The following CAMK1D variants were observed in gnomAD, a reference collection of about 807,000 sequenced individuals.
The protein encoded by CAMK1D is calcium/calmodulin-dependent protein kinase type 1D.
In CAMK1D, 9 loss-of-function variants were observed where a neutral mutation model predicts 47.7. That is an observed-to-expected ratio of 0.19 (90% CI 0.11 to 0.33). The LOEUF (loss-of-function observed/expected upper bound fraction) is 0.33, where lower values mean the gene tolerates loss of function less well. Ranked by LOEUF, CAMK1D falls within the 10% of genes least tolerant of loss-of-function variation. The pLI is 1.00. For missense variants in CAMK1D, 291 were observed against 488.7 expected (o/e 0.60, Z 3.81); for synonymous variants, 184 against 184.9 (o/e 0.99, Z 0.04).
chr10:12,506,003 A>G (rs1834859712), intron 1 of CAMK1D, among the ~76,000 whole-genome samples: 1 of 152,208 alleles, frequency 6.6e-6, no homozygotes, highest in Non-Finnish European at 1.5e-5. Context: ...AGGCTCCACC[A>G]TGTCCTAGAT....
In CAMK1D at chr10:12,753,984, G is replaced by A. The variant is rs144095969; in HGVS notation, c.300-6964G>A. ...TGGCTCACTGCATCCTCCACCTCCCGGGCTCAAGCGATTCTCCTGCCTCAG... is the reference window on the plus strand; with the variant it reads ...TGGCTCACTGCATCCTCCACCTCCCAGGCTCAAGCGATTCTCCTGCCTCAG... On this transcript the variant is annotated intron_variant, in intron 3 of 10. Transcript: ENST00000619168. Among the ~76,000 whole-genome samples the A allele has an allele frequency of 2.3e-3, 357 of 152,116 alleles. 5 individuals carry two copies. In the East Asian group the frequency reaches 0.037, roughly 16 times the overall value.
chr10:12,582,993 T>G (rs1280188484), intron 2 of CAMK1D, among the ~76,000 whole-genome samples: 1 of 152,172 alleles, frequency 6.6e-6, no homozygotes, highest in Non-Finnish European at 1.5e-5. Context: ...ATCCCAGCAC[T>G]TTGAGAGGCC....
intron 2 of CAMK1D, among the ~76,000 whole-genome samples, chr10:12,637,499 T>C (rs1164834896): frequency 6.6e-6 from 1 of 152,042 alleles, no homozygotes; most frequent in Non-Finnish European, 1.5e-5. Flanking sequence ...TTCACTTCTT[T>C]ATCTCATCTG....
chr10:12,824,072 A>T (rs1833108960), intron 8 of CAMK1D, among the ~76,000 whole-genome samples: 1 of 151,924 alleles, frequency 6.6e-6, no homozygotes, highest in African/African-American at 2.4e-5. Context: ...GAGGTGGCGC[A>T]TGGTGGCTCA....
At chr10:12,354,258 G>A (rs1216529146) in intron 1 of CAMK1D, among the ~76,000 whole-genome samples, 1 of 152,162 alleles carries the variant, frequency 6.6e-6, no homozygotes, top group Non-Finnish European at 1.5e-5. Flanking sequence ...AGGCATCGTG[G>A]AGGATTTGAG....
intron 1 of CAMK1D, among the ~76,000 whole-genome samples, chr10:12,521,635 T>A (rs954404313): frequency 6.6e-6 from 1 of 152,180 alleles, no homozygotes; most frequent in African/African-American, 2.4e-5. Context: ...GACTTCTGTA[T>A]CCCCGCCAAT....
At chr10:12,657,988 A>G (rs1840166092) in intron 2 of CAMK1D, among the ~76,000 whole-genome samples, 1 of 152,164 alleles carries the variant, frequency 6.6e-6, no homozygotes, top group East Asian at 1.9e-4. Context: ...TGTCTCTACT[A>G]AAAATACAAA....
intron 2 of CAMK1D, among the ~76,000 whole-genome samples, chr10:12,640,714 C>T (rs551914038): frequency 1.3e-5 from 2 of 152,130 alleles, no homozygotes; most frequent in South Asian, 2.1e-4. Context: ...TATTCCTGAC[C>T]GAAGCTGTCA....
intron 10 of CAMK1D, among the ~76,000 whole-genome samples, chr10:12,826,689 C>T (rs1403996880): frequency 2.0e-5 from 3 of 152,180 alleles, no homozygotes; most frequent in East Asian, 3.9e-4. Flanking sequence ...GAAAAGGATT[C>T]CCTTCCTCTC....
At position 12,553,321 on chromosome 10, in the gene CAMK1D, A is replaced by C; in HGVS notation, c.189A>C (p.Glu63Asp). 6.2e-7 allele frequency: 1 copy of C among 1,614,138 alleles called. No homozygotes were observed. The highest frequency in any genetic ancestry group is 8.5e-7 in the Non-Finnish European group (1 of 1,179,998). The change falls in exon 2 of 11, where the codon GAA becomes GAC. Residue 63 changes from glutamate (E) to aspartate (D), a missense_variant. This residue lies in a region of CAMK1D where 219 missense variants were observed against 424.3 expected (regional missense o/e 0.52). Coordinates refer to ENST00000619168, the MANE Select transcript of CAMK1D (RefSeq NM_153498.4). ...CTAAGAAGGCGCTGAAGGGCAAGGA[A>C]AGCAGCATAGAGAATGAGATAGCCG... ...CIPKKALKGK[E>D]SSIENEIAVL...
chr10:12,536,137 A>G (rs947992024), intron 1 of CAMK1D, among the ~76,000 whole-genome samples: 1 of 152,082 alleles, frequency 6.6e-6, no homozygotes, highest in African/African-American at 2.4e-5. Flanking sequence ...AAATTTACCC[A>G]AAAGTGTAGA....
intron 1 of CAMK1D, among the ~76,000 whole-genome samples, chr10:12,534,832 T>TTTAG (rs1292707115): frequency 2.0e-5 from 3 of 152,124 alleles, no homozygotes; most frequent in African/African-American, 7.2e-5. Context: ...GTCCTCTGCA[T>TTTAG]TTAGCAAGCA....
At chr10:12,755,798 C>T (rs1392334146) in intron 3 of CAMK1D, among the ~76,000 whole-genome samples, 1 of 152,100 alleles carries the variant, frequency 6.6e-6, no homozygotes, top group African/African-American at 2.4e-5. Flanking sequence ...ATTGAAAATG[C>T]TTTGTTTGCA....
intron 2 of CAMK1D, among the ~76,000 whole-genome samples, chr10:12,641,735 G>A (rs1839672256): frequency 6.6e-6 from 1 of 152,168 alleles, no homozygotes; most frequent in Non-Finnish European, 1.5e-5. Flanking sequence ...AGAGATGAGT[G>A]TTCAAAACCT....
chr10:12,373,092 G>T (rs1197867738), intron 1 of CAMK1D, among the ~76,000 whole-genome samples: 1 of 152,206 alleles, frequency 6.6e-6, no homozygotes, highest in East Asian at 1.9e-4. Flanking sequence ...TGCTGTCCCA[G>T]CCGGGGCTTC....
At chr10:12,798,048 G>A (rs1564569725) in intron 6 of CAMK1D, among the ~76,000 whole-genome samples, 1 of 152,186 alleles carries the variant, frequency 6.6e-6, no homozygotes, top group East Asian at 1.9e-4. Context: ...CAACTTCTGT[G>A]GCTTTGCCTT....
intron 6 of CAMK1D, among the ~76,000 whole-genome samples, chr10:12,801,553 C>G (rs1475815576): frequency 2.6e-5 from 4 of 151,972 alleles, no homozygotes; most frequent in Non-Finnish European, 5.9e-5. Flanking sequence ...ATCCACCCAT[C>G]CATCCATTCA....
At chr10:12,801,665 A>C (rs75170733) in intron 6 of CAMK1D, among the ~76,000 whole-genome samples, 2,644 of 152,116 alleles carry the variant, frequency 0.017, 76 homozygotes, top group East Asian at 0.087. Flanking sequence ...GTCTATCTTC[A>C]TATCTATATC....
At chr10:12,674,974 T>G (rs1460298433) in intron 3 of CAMK1D, among the ~76,000 whole-genome samples, 1 of 134,214 alleles carries the variant, frequency 7.5e-6, no homozygotes, top group African/African-American at 2.9e-5. Context: ...GAGGTTGCAG[T>G]AAGCTGAGAT....
Sources: gnomAD v4.1 joint callset for allele counts (sites outside exome capture counted in the v4.1 genomes callset) on GRCh38, gnomAD v4.1.1 for gene constraint, gnomAD v4.1.1 regional missense constraint, MANE v1.5 for transcripts, NCBI Gene and HGNC (gene_info 2026-07-23, HGNC 2026-07-21) for gene names.